The following MON1A variants were observed in gnomAD, a reference collection of about 807,000 sequenced individuals.
MON1A encodes the protein vacuolar fusion protein MON1 homolog A.
In MON1A, 29 loss-of-function variants were observed where a neutral mutation model predicts 44.6. The ratio of observed to expected loss-of-function variants is 0.65; its 90% CI spans 0.48 to 0.89. MON1A has a LOEUF of 0.89. Ranked by LOEUF, MON1A falls within the 40% of genes least tolerant of loss-of-function variation. The pLI is 0.00. For synonymous variants in MON1A, 275 were observed against 316.4 expected (o/e 0.87, Z 1.39); for missense variants, 615 against 759.6 (o/e 0.81, Z 2.24).
At position 49,927,095 on chromosome 3, in the gene MON1A, C is replaced by A. The variant is rs186043648; in HGVS notation, c.-14+2514G>T. Among the ~76,000 whole-genome samples, 271 of 152,210 alleles carry A rather than the reference C, an allele frequency of 1.8e-3. 1 individual carries two copies. The highest frequency in any genetic ancestry group is 1.6e-3 in the Non-Finnish European group (109 of 68,004). ...CGCCCAGCTGAACTTGTGTTTTTAT[C>A]CCTCAGGCAATTAAAAAAGAAAAAT... is the stretch of plus-strand genomic sequence containing the variant. On this transcript the variant is annotated intron_variant, in intron 1 of 5. Coordinates refer to ENST00000296473, the MANE Select transcript of MON1A (RefSeq NM_032355.4).
chr3:49,916,383 C>A (rs1265919146), intron 1 of MON1A: 1 of 152,214 alleles, frequency 6.6e-6, no homozygotes, highest in Non-Finnish European at 1.5e-5. Flanking sequence ...TAATTTTCAA[C>A]CTCTTCTTTT....
In MON1A at chr3:49,909,507, C is replaced by T. The variant is rs147472870; in HGVS notation, c.1380-107G>A. Reference sequence around the variant, plus strand: ...ATCCAGGAAGACTCTATCTTATGTCCTACCCTCCAGGTGCTCCCTTAGGAC... The same window carrying T: ...ATCCAGGAAGACTCTATCTTATGTCTTACCCTCCAGGTGCTCCCTTAGGAC... On this transcript the variant is annotated intron_variant, in intron 4 of 5. Transcript: ENST00000296473. The surrounding 1 kb of genome is among the most constrained non-coding windows in gnomAD (Gnocchi z 4.0). The T allele has an allele frequency of 2.1e-6, 3 of 1,461,526 alleles. No individual in the cohort carries two copies. In the African/African-American group the frequency reaches 4.2e-5, roughly 20 times the overall value. The allele number at this position is 1,461,526 out of a possible 1,614,324, so 90.5% of individuals were successfully genotyped here.
Position 49,910,333 on chromosome 3 carries a change from T to C in MON1A, c.1165A>G (p.Thr389Ala), listed in dbSNP as rs139967875. The change falls in exon 4 of 6, where the codon ACT becomes GCT. Residue 389 changes from threonine (T) to alanine (A), a missense_variant. Physicochemically the swap from Thr to Ala is moderately conservative, Grantham distance 58. Coordinates refer to ENST00000296473, the MANE Select transcript of MON1A (RefSeq NM_032355.4). The surrounding 1 kb of genome is among the most constrained non-coding windows in gnomAD (Gnocchi z 8.0). ...GAGACAAGCAGCAGGCAGAGGTCAG[T>C]GTCAGGCTCTAGGTAAGAGATGTGT... ...HAHISYLEPDTDLCLLLVSTD... is the reference protein window; with the variant it reads ...HAHISYLEPDADLCLLLVSTD... 3.3e-3 allele frequency: 5,287 copies of C among 1,614,090 alleles called. 27 individuals carry two copies. The highest frequency in any genetic ancestry group is 0.015 in the Middle Eastern group (92 of 6,062).
intron 1 of MON1A, among the ~76,000 whole-genome samples, chr3:49,918,285 C>T (rs1359461871): frequency 6.6e-6 from 1 of 151,456 alleles, no homozygotes; most frequent in Non-Finnish European, 1.5e-5. Context: ...TGCAGTGAGC[C>T]GAGATCATGC....
intron 1 of MON1A, among the ~76,000 whole-genome samples, chr3:49,925,729 A>T (rs2083046627): frequency 6.6e-6 from 1 of 152,158 alleles, no homozygotes; most frequent in African/African-American, 2.4e-5. Context: ...ACACAGCAAG[A>T]CCCTGTCTCA....
chr3:49,929,047 C>A (rs1042454889), intron 1 of MON1A, among the ~76,000 whole-genome samples: 58 of 152,224 alleles, frequency 3.8e-4, no homozygotes, highest in African/African-American at 1.3e-3. Flanking sequence ...CCCGTCTCTA[C>A]TAAAAAAATA....
chr3:49,910,951 G>A lies in MON1A; in HGVS notation c.614-67C>T. 7.5e-6 allele frequency: 11 copies of A among 1,468,762 alleles called. No individual in the cohort carries two copies. The highest frequency in any genetic ancestry group is 1.0e-5 in the Non-Finnish European group (11 of 1,086,974). The allele number at this position is 1,468,762 out of a possible 1,614,324, so 91.0% of individuals were successfully genotyped here. Reference sequence around the variant, plus strand: ...AGCTCCCTCCGAAAACCGCCTTCCAGCGCAGCTCTTCGCTTTCCCCATCCT... The same window carrying A: ...AGCTCCCTCCGAAAACCGCCTTCCAACGCAGCTCTTCGCTTTCCCCATCCT... On this transcript the variant is annotated intron_variant, in intron 3 of 5. Coordinates refer to ENST00000296473, the MANE Select transcript of MON1A (RefSeq NM_032355.4). The surrounding 1 kb of genome is among the most constrained non-coding windows in gnomAD (Gnocchi z 8.0).
Position 49,910,861 on chromosome 3 carries a change from G to A in MON1A, c.637C>T (p.Arg213Cys). 6.2e-7 allele frequency: 1 copy of A among 1,610,980 alleles called. No homozygotes were observed. The highest frequency in any genetic ancestry group is 8.5e-7 in the Non-Finnish European group (1 of 1,177,806). Residue 213 changes from arginine to cysteine, a missense_variant, in exon 4 of 6, where the codon CGC becomes TGC. By Grantham distance (180) the Arg-to-Cys change is radical. Coordinates refer to ENST00000296473, the MANE Select transcript of MON1A (RefSeq NM_032355.4). The surrounding 1 kb of genome is among the most constrained non-coding windows in gnomAD (Gnocchi z 8.0). ...HADGYKVVFV[R>C]RSPLVLVAVA... ...GCCACTAGCACCAGCGGGCTCCGGC[G>A]CACGAATACTACCTTGTAGCCATCT...
chr3:49,913,702 G>A (rs547169021), intron 1 of MON1A, among the ~76,000 whole-genome samples: 14 of 128,124 alleles, frequency 1.1e-4, no homozygotes, highest in African/African-American at 3.3e-4. Context: ...TCGCTCTGCC[G>A]CCCAGGCTGG....
At chr3:49,924,940 A>C (rs2083041110) in intron 1 of MON1A, among the ~76,000 whole-genome samples, 2 of 152,204 alleles carry the variant, frequency 1.3e-5, no homozygotes, top group African/African-American at 4.8e-5. Context: ...AGATGACTTC[A>C]ACGTAATAAG....
At chr3:49,928,111 G>A (rs2083065447) in intron 1 of MON1A, among the ~76,000 whole-genome samples, 1 of 152,174 alleles carries the variant, frequency 6.6e-6, no homozygotes, top group African/African-American at 2.4e-5. Context: ...TACCTGCATG[G>A]GGAAGGGTTG....
chr3:49,911,757 C>T lies in MON1A; in HGVS notation c.382G>A (p.Gly128Arg). The T allele has an allele frequency of 6.2e-7, 1 of 1,613,424 alleles. No homozygotes were observed. Among genetic ancestry groups the T allele is most frequent in the Non-Finnish European group, 8.5e-7 (1 of 1,179,730 alleles). ...EDWLEPPGAV[G>R]RPATEPPREG... ...CTGGGGGGCTCTGTGGCTGGTCGCCCAACTGCCCCTGGGGGTTCCAGCCAA... is the reference window on the plus strand; with the variant it reads ...CTGGGGGGCTCTGTGGCTGGTCGCCTAACTGCCCCTGGGGGTTCCAGCCAA... The change falls in exon 3 of 6, where the codon GGG becomes AGG. Residue 128 changes from glycine to arginine, a missense_variant. Physicochemically the swap from Gly to Arg is moderately radical, Grantham distance 125. Coordinates refer to ENST00000296473, the MANE Select transcript of MON1A (RefSeq NM_032355.4). The surrounding 1 kb of genome is among the most constrained non-coding windows in gnomAD (Gnocchi z 5.7).
chr3:49,910,892 C>G lies in MON1A; in HGVS notation c.614-8G>C. 1 of 1,587,994 alleles carries G rather than the reference C, an allele frequency of 6.3e-7. No individual in the cohort carries two copies. Among genetic ancestry groups the G allele is most frequent in the South Asian group, 1.1e-5 (1 of 89,448 alleles). On this transcript the variant is annotated splice_region_variant and splice_polypyrimidine_tract_variant and intron_variant, in intron 3 of 5. Transcript: ENST00000296473. This position sits in a 1 kb window ranked among gnomAD's most constrained non-coding sequence, Gnocchi z 8.0. ...ATACTACCTTGTAGCCATCTGAGAGCGGGACAGGAAAGAAGGATGTCAGCC... is the reference window on the plus strand; with the variant it reads ...ATACTACCTTGTAGCCATCTGAGAGGGGGACAGGAAAGAAGGATGTCAGCC...
At chr3:49,912,569 AC>A (rs1275823373) in intron 2 of MON1A, 2 of 167,202 alleles carry the variant, frequency 1.2e-5, no homozygotes, top group African/African-American at 4.8e-5. Flanking sequence ...GCAGCACCTC[AC>A]CCTGTGTCTG....
chr3:49,929,514 G>A, intron 1 of MON1A, 95 bp downstream of exon 1: 2 of 1,393,704 alleles, frequency 1.4e-6, no homozygotes, highest in Non-Finnish European at 2.0e-6. Context: ...AGCGTTGATG[G>A]CTGGAGGCCC....
chr3:49,908,945 C>T lies in MON1A; in HGVS notation c.*69G>A, dbSNP rs1251316081. ...CTGGCTGGGCAAGAGAGGCCAGCCC[C>T]CATCTGGAGGCTCCTATGGCTTCCC... On this transcript the variant is annotated 3_prime_UTR_variant, in exon 6 of 6. Coordinates refer to ENST00000296473, the MANE Select transcript of MON1A (RefSeq NM_032355.4). 1.3e-6 allele frequency: 2 copies of T among 1,529,762 alleles called. No homozygotes were observed. The highest frequency in any genetic ancestry group is 1.8e-6 in the Non-Finnish European group (2 of 1,135,754). The allele number at this position is 1,529,762 out of a possible 1,614,324, so 94.8% of individuals were successfully genotyped here.
intron 1 of MON1A, among the ~76,000 whole-genome samples, chr3:49,925,125 T>TA (rs2083042537): frequency 6.6e-6 from 1 of 152,204 alleles, no homozygotes; most frequent in South Asian, 2.1e-4. Context: ...TTTATTTATT[T>TA]ATCTATTGAG....
intron 1 of MON1A, among the ~76,000 whole-genome samples, chr3:49,923,123 T>C (rs1018494073): frequency 6.6e-6 from 1 of 151,610 alleles, no homozygotes; most frequent in African/African-American, 2.4e-5. Flanking sequence ...AGGCAGATCA[T>C]GAGGTCAGGC....
chr3:49,915,433 A>T (rs973805377), intron 1 of MON1A, among the ~76,000 whole-genome samples: 6 of 152,238 alleles, frequency 3.9e-5, no homozygotes, highest in Non-Finnish European at 8.8e-5. Context: ...AGAGACTAAC[A>T]TGAGAGGATC....
Sources: gnomAD v4.1 joint callset for allele counts (sites outside exome capture counted in the v4.1 genomes callset) on GRCh38, gnomAD v4.1.1 for gene constraint, Gnocchi (gnomAD v3.1) non-coding constraint, MANE v1.5 for transcripts, NCBI Gene and HGNC (gene_info 2026-07-23, HGNC 2026-07-21) for gene names.